The following GPC5 variants were observed in gnomAD, a reference collection of about 807,000 sequenced individuals.
GPC5 encodes glypican-5.
GPC5 carries 47 observed loss-of-function variants against 53.9 expected under a neutral mutation model. The ratio of observed to expected loss-of-function variants is 0.87; its 90% CI spans 0.69 to 1.11. GPC5 has a LOEUF of 1.11. Ranked by LOEUF, GPC5 falls within the 50% of genes most tolerant of loss-of-function variation. GPC5 has a pLI of 0.00. For missense variants in GPC5, 748 were observed against 713.1 expected, an observed-to-expected ratio of 1.05 and a Z score of -0.56; for synonymous variants, 286 against 263.3, an observed-to-expected ratio of 1.09 and a Z score of -0.84.
chr13:92,405,320 G>T (rs1440656906), intron 7 of GPC5, among the ~76,000 whole-genome samples: 3 of 152,130 alleles, frequency 2.0e-5, no homozygotes, highest in Non-Finnish European at 4.4e-5. Context: ...TGGAATGTGG[G>T]AGGAAACTAG....
intron 6 of GPC5, among the ~76,000 whole-genome samples, chr13:92,059,019 T>C (rs1233308230): frequency 6.6e-6 from 1 of 152,204 alleles, no homozygotes. Flanking sequence ...TGAATTACCT[T>C]GCTCTGTTCT....
intron 1 of GPC5, among the ~76,000 whole-genome samples, chr13:91,420,209 G>C (rs1242595479): frequency 1.5e-5 from 2 of 134,844 alleles, no homozygotes; most frequent in Non-Finnish European, 2.9e-5. Context: ...AGTGAGCTTT[G>C]TTTCTAGCCT....
intron 2 of GPC5, among the ~76,000 whole-genome samples, chr13:91,671,304 G>A (rs1296633598): frequency 6.6e-6 from 1 of 152,118 alleles, no homozygotes; most frequent in African/African-American, 2.4e-5. Context: ...GAGAAATCCT[G>A]TGTTTAGAGC....
chr13:92,464,167 G>A (rs969589795), intron 7 of GPC5, among the ~76,000 whole-genome samples: 1 of 152,102 alleles, frequency 6.6e-6, no homozygotes, highest in Admixed American at 6.6e-5. Context: ...GAGAGACCAG[G>A]ACATTTCTAT....
At chr13:92,795,556 GCA>G (rs1318960311) in intron 7 of GPC5, among the ~76,000 whole-genome samples, 1 of 152,028 alleles carries the variant, frequency 6.6e-6, no homozygotes, top group Non-Finnish European at 1.5e-5. Flanking sequence ...AAGAATTTCT[GCA>G]CGGCAAAAGA....
intron 6 of GPC5, among the ~76,000 whole-genome samples, chr13:92,119,390 G>GC (rs2041627083): frequency 1.5e-5 from 1 of 65,672 alleles, no homozygotes; most frequent in African/African-American, 6.5e-5. Flanking sequence ...TAGGATTTTA[G>GC]TTTTTTTTTT....
chr13:92,478,781 C>G (rs1395913461), intron 7 of GPC5, among the ~76,000 whole-genome samples: 2 of 152,146 alleles, frequency 1.3e-5, no homozygotes, highest in Non-Finnish European at 2.9e-5. Context: ...GGAATCTATC[C>G]AGCGGCACTT....
intron 7 of GPC5, among the ~76,000 whole-genome samples, chr13:92,498,483 G>A (rs1170962812): frequency 2.6e-5 from 4 of 152,112 alleles, no homozygotes; most frequent in African/African-American, 7.2e-5. Flanking sequence ...ATCTTATCAG[G>A]AAGCTACTGA....
chr13:91,957,076 A>C (rs2139068776), intron 6 of GPC5, among the ~76,000 whole-genome samples: 1 of 152,268 alleles, frequency 6.6e-6, no homozygotes, highest in South Asian at 2.1e-4. Flanking sequence ...TTACAAAGAA[A>C]CCAGAAAAAC....
At chr13:92,424,668 G>A (rs1301291122) in intron 7 of GPC5, among the ~76,000 whole-genome samples, 4 of 150,846 alleles carry the variant, frequency 2.7e-5, no homozygotes, top group East Asian at 3.9e-4. Context: ...TTAATTCGTG[G>A]GTCTCTCTTC....
At chr13:91,798,271 A>G (rs1181551515) in intron 5 of GPC5, among the ~76,000 whole-genome samples, 2 of 152,188 alleles carry the variant, frequency 1.3e-5, no homozygotes, top group Non-Finnish European at 2.9e-5. Context: ...TTTGCAGAAC[A>G]CACCAACCCA....
At chr13:91,793,956 C>A (rs2038008795) in intron 5 of GPC5, among the ~76,000 whole-genome samples, 1 of 152,134 alleles carries the variant, frequency 6.6e-6, no homozygotes, top group African/African-American at 2.4e-5. Flanking sequence ...GACACAGAGC[C>A]AAACCATATC....
chr13:92,627,320 A>G (rs1885079148), intron 7 of GPC5, among the ~76,000 whole-genome samples: 1 of 152,206 alleles, frequency 6.6e-6, no homozygotes, highest in Non-Finnish European at 1.5e-5. Flanking sequence ...CTGCAATGGC[A>G]TAATTACTCA....
chr13:92,475,214 A>T (rs1315667008), intron 7 of GPC5, among the ~76,000 whole-genome samples: 1 of 150,426 alleles, frequency 6.6e-6, no homozygotes, highest in African/African-American at 2.5e-5. Context: ...TGAACTTTAA[A>T]GTAGTTTTTT....
In GPC5 at chr13:91,884,166, G is replaced by A. The variant is rs1033339153; in HGVS notation, c.1281-23771G>A. Among the ~76,000 whole-genome samples the A allele has an allele frequency of 4.6e-5, 7 of 152,032 alleles. No individual in the cohort carries two copies. The South Asian group carries it at 8.3e-4, about 18-fold the overall frequency. Reference sequence around the variant, plus strand: ...TGTTGGTGGGAGTGTAAATTAGTTCGACCACTGTGGAAGACAGTGTGGTGG... The same window carrying A: ...TGTTGGTGGGAGTGTAAATTAGTTCAACCACTGTGGAAGACAGTGTGGTGG... On this transcript the variant is annotated intron_variant, in intron 5 of 7. Transcript: ENST00000377067.
At chr13:91,672,089 A>G (rs894416803) in intron 2 of GPC5, among the ~76,000 whole-genome samples, 1 of 152,186 alleles carries the variant, frequency 6.6e-6, no homozygotes, top group Non-Finnish European at 1.5e-5. Flanking sequence ...TACAAAAACT[A>G]ACTCAAGATG....
chr13:92,756,971 GA>G, intron 7 of GPC5, among the ~76,000 whole-genome samples: 1 of 151,246 alleles, frequency 6.6e-6, no homozygotes, highest in East Asian at 2.0e-4. Context: ...CACAGAATTG[GA>G]AAAAACTATT....
intron 7 of GPC5, among the ~76,000 whole-genome samples, chr13:92,580,366 T>A (rs1883331990): frequency 6.6e-6 from 1 of 152,220 alleles, no homozygotes; most frequent in Admixed American, 6.5e-5. Context: ...AGTTGCACAC[T>A]GAAGTAGCAT....
intron 6 of GPC5, among the ~76,000 whole-genome samples, chr13:92,129,487 C>T (rs1463635407): frequency 1.3e-5 from 2 of 152,168 alleles, no homozygotes; most frequent in African/African-American, 2.4e-5. Context: ...GAAGTGGCAA[C>T]AATTTTATTA....
Sources: gnomAD v4.1 joint callset for allele counts (sites outside exome capture counted in the v4.1 genomes callset) on GRCh38, gnomAD v4.1.1 for gene constraint, MANE v1.5 for transcripts, NCBI Gene and HGNC (gene_info 2026-07-23, HGNC 2026-07-21) for gene names.